The following SHISA7 variants were observed in gnomAD, a reference collection of about 807,000 sequenced individuals.
SHISA7 encodes the protein protein shisa-7.
SHISA7 carries 6 observed loss-of-function variants against 23.9 expected under a neutral mutation model. The observed-to-expected ratio is 0.25, with a 90% CI of 0.14 to 0.50. The LOEUF (loss-of-function observed/expected upper bound fraction) is 0.50, where lower values mean the gene tolerates loss of function less well. Among genes scored for constraint, SHISA7 ranks in the 20% least tolerant of loss-of-function variants. SHISA7 has a pLI of 0.98. For missense variants in SHISA7, 671 were observed against 801.1 expected (o/e 0.84, Z 1.96); for synonymous variants, 386 against 398.3 (o/e 0.97, Z 0.37).
At chr19:55,437,043 G>A (rs1985478839) in intron 3 of SHISA7, among the ~76,000 whole-genome samples, 1 of 152,204 alleles carries the variant, frequency 6.6e-6, no homozygotes, top group African/African-American at 2.4e-5. Context: ...ACAGGAATGG[G>A]TTCAGGGATG....
intron 3 of SHISA7, among the ~76,000 whole-genome samples, chr19:55,434,365 T>G (rs1368193235): frequency 3.2e-5 from 4 of 126,048 alleles, no homozygotes; most frequent in Admixed American, 8.4e-5. Flanking sequence ...ATGTGGTGTG[T>G]GTGTGTGGTG....
intron 3 of SHISA7, among the ~76,000 whole-genome samples, chr19:55,435,062 A>C (rs200990714): frequency 1.1e-4 from 1 of 9,130 alleles, no homozygotes. Flanking sequence ...GTGTGTGTGT[A>C]GTGTGTATGG....
intron 1 of SHISA7, 97 bp downstream of exon 1, chr19:55,442,096 C>T: frequency 1.6e-6 from 2 of 1,234,866 alleles, no homozygotes; most frequent in Non-Finnish European, 2.2e-6. Context: ...CTGACCACCA[C>T]GCCCTATCCC....
At chr19:55,442,153 G>A in intron 1 of SHISA7, 40 bp downstream of exon 1, 4 of 1,486,504 alleles carry the variant, frequency 2.7e-6, no homozygotes, top group Non-Finnish European at 2.7e-6. Context: ...GCTGGGCCCC[G>A]CCCCAGGCTC....
Position 55,432,860 on chromosome 19 carries a change from G to T in SHISA7, c.*296C>A. ...CCTCTTCCTCTGTGATGACCTCATGGGAACGAGGCTTTGTCCCTGTGATGA... is the reference window on the plus strand; with the variant it reads ...CCTCTTCCTCTGTGATGACCTCATGTGAACGAGGCTTTGTCCCTGTGATGA... On this transcript the variant is annotated 3_prime_UTR_variant, in exon 4 of 4. Coordinates refer to ENST00000376325, the MANE Select transcript of SHISA7 (RefSeq NM_001145176.2). This position sits in a 1 kb window ranked among gnomAD's most constrained non-coding sequence, Gnocchi z 4.6. 2.7e-6 allele frequency: 1 copy of T among 370,140 alleles called. No homozygotes were observed. The allele number at this position is 370,140 out of a possible 1,614,324, so 22.9% of individuals were successfully genotyped here. A position where few individuals can be genotyped will look rare whatever the true frequency, so the allele number is the denominator to read the frequency against.
intron 3 of SHISA7, among the ~76,000 whole-genome samples, chr19:55,434,733 G>A (rs1268631400): frequency 3.3e-5 from 4 of 121,364 alleles, no homozygotes; most frequent in Non-Finnish European, 6.9e-5. Flanking sequence ...TGTGGTGTGT[G>A]TGGTGTATAT....
Position 55,442,340 on chromosome 19 carries a change from C to G in SHISA7, c.524G>C (p.Gly175Ala). ...LEGGRTGGAGGRGGEGPGGST... is the reference protein window; with the variant it reads ...LEGGRTGGAGARGGEGPGGST... ...GCCCCCGGGGCCCTCGCCCCCGCGG[C>G]CCCCGGCACCCCCAGTCCGGCCCCC... Residue 175 changes from glycine (G) to alanine (A), a missense_variant, in exon 1 of 4, where the codon GGC becomes GCC. Transcript: ENST00000376325. 4 of 1,467,244 alleles carry G rather than the reference C, an allele frequency of 2.7e-6. No homozygotes were observed. Among genetic ancestry groups the G allele is most frequent in the Non-Finnish European group, 3.6e-6 (4 of 1,115,026 alleles). 90.9% of individuals were successfully genotyped at this position (1,467,244 alleles called of 1,614,324 possible).
At chr19:55,438,627 C>CT in intron 2 of SHISA7, 1 of 1,304,272 alleles carries the variant, frequency 7.7e-7, no homozygotes, top group Non-Finnish European at 1.0e-6. Context: ...TGCAGATTAT[C>CT]TGGGGGGACC....
rs1263817025 is a variant in SHISA7, at chr19:55,442,641, C to A, written c.223G>T (p.Ala75Ser). Residue 75 changes from alanine to serine, a missense_variant, in exon 1 of 4, where the codon GCG becomes TCG. By Grantham distance (99) the Ala-to-Ser change is moderately conservative. Around this residue, in one of 5 missense-constraint regions of SHISA7, gnomAD observed 96 missense variants for 113.1 expected, o/e 0.85. Transcript: ENST00000376325. ...TGGCAGAGCTCGGCGGGAGGGGGCG[C>A]CCGGGCCGCCGCGCCCGCCCCGCCC... ...PAGGAGAAARAPPPAELCHGY... is the reference protein window; with the variant it reads ...PAGGAGAAARSPPPAELCHGY... The A allele has an allele frequency of 5.9e-6, 8 of 1,346,204 alleles. No homozygotes were observed. In the South Asian group the frequency reaches 1.1e-4, roughly 18 times the overall value. 83.4% of individuals were successfully genotyped at this position (1,346,204 alleles called of 1,614,324 possible).
At chr19:55,439,513 A>T (rs911928924) in intron 2 of SHISA7, among the ~76,000 whole-genome samples, 1 of 151,970 alleles carries the variant, frequency 6.6e-6, no homozygotes, top group East Asian at 1.9e-4. Context: ...GCAGCTCTCC[A>T]TCACCCTCAG....
chr19:55,433,688 C>A lies in SHISA7; in HGVS notation c.1085G>T (p.Arg362Leu), dbSNP rs765901370. The A allele has an allele frequency of 2.0e-6, 3 of 1,482,038 alleles. No homozygotes were observed. The South Asian group carries it at 3.8e-5, about 19-fold the overall frequency. The allele number at this position is 1,482,038 out of a possible 1,614,324, so 91.8% of individuals were successfully genotyped here. Residue 362 changes from arginine (R) to leucine (L), a missense_variant, in exon 4 of 4, where the codon CGC (arginine) becomes CTC (leucine). By Grantham distance (102) the Arg-to-Leu change is moderately radical (BLOSUM62 -2). Around this residue, in one of 5 missense-constraint regions of SHISA7, gnomAD observed 457 missense variants for 488.3 expected, o/e 0.94. Transcript: ENST00000376325. This position sits in a 1 kb window ranked among gnomAD's most constrained non-coding sequence, Gnocchi z 8.4. ...CTCTGGGCCGCCCCAGGCCTCCATG[C>A]GATAGCCGCCCCCCGTGCCCGGCCG... Reference protein sequence around the residue: ...LRRPGTGGGYRMEAWGGPEEL... With the variant: ...LRRPGTGGGYLMEAWGGPEEL...
At position 55,433,497 on chromosome 19, in the gene SHISA7, C is replaced by G; in HGVS notation, c.1276G>C (p.Glu426Gln). ...SSPEALRQSR[E>Q]HLLSPPRSPA... ...CTGCGCGGGGGCGACAGCAGGTGCT[C>G]GCGACTCTGGCGCAGGGCCTCGGGC... Residue 426 changes from glutamate to glutamine, a missense_variant, in exon 4 of 4, where the codon GAG becomes CAG. Glu to Gln is a conservative substitution (Grantham distance 29). Coordinates refer to ENST00000376325, the MANE Select transcript of SHISA7 (RefSeq NM_001145176.2). The surrounding 1 kb of genome is among the most constrained non-coding windows in gnomAD (Gnocchi z 8.4). The G allele has an allele frequency of 4.8e-6, 7 of 1,453,494 alleles. No individual in the cohort carries two copies. Among genetic ancestry groups the G allele is most frequent in the Non-Finnish European group, 6.3e-6 (7 of 1,109,838 alleles). The allele number at this position is 1,453,494 out of a possible 1,614,324, so 90.0% of individuals were successfully genotyped here.
rs1260347143 is a variant in SHISA7 at position 55,442,774 on chromosome 19, C to T, written c.90G>A (p.Ala30=). The change falls in exon 1 of 4, where the codon GCG becomes GCA. Residue 30 remains alanine, a synonymous_variant. Coordinates refer to ENST00000376325, the MANE Select transcript of SHISA7 (RefSeq NM_001145176.2). ...GCGCCAGCAGGGCGGGCAGCGGGCC[C>T]GCGGGCTCGGCGCTCGTGGCGTTGG... The part of the protein sequence containing the change: ...RPSNATSAEP[A]GPLPALLAHL... The T allele has an allele frequency of 4.9e-6, 6 of 1,221,362 alleles. No homozygotes were observed. The highest frequency in any genetic ancestry group is 5.1e-6 in the Non-Finnish European group (5 of 980,720). 75.7% of individuals were successfully genotyped at this position (1,221,362 alleles called of 1,614,324 possible). A position where few individuals can be genotyped will look rare whatever the true frequency, so the allele number is the denominator to read the frequency against.
Position 55,442,562 on chromosome 19 carries a change from C to T in SHISA7, c.302G>A (p.Gly101Asp). Reference protein sequence around the residue: ...QYDATFNCSTGSYRFCCGTCH... With the variant: ...QYDATFNCSTDSYRFCCGTCH... ...GGTGCCACAGCAGAAGCGGTAGGAG[C>T]CGGTGCTGCAGTTGAAGGTGGCGTC... The change falls in exon 1 of 4, where the codon GGC (glycine) becomes GAC (aspartate). Residue 101 changes from glycine to aspartate, a missense_variant. By Grantham distance (94) the Gly-to-Asp change is moderately conservative (BLOSUM62 -1). This residue lies in a region of SHISA7 where 48 missense variants were observed against 111.0 expected (regional missense o/e 0.43). Transcript: ENST00000376325. The T allele has an allele frequency of 6.8e-7, 1 of 1,478,992 alleles. No homozygotes were observed. Among genetic ancestry groups the T allele is most frequent in the Non-Finnish European group, 9.0e-7 (1 of 1,110,112 alleles). The allele number at this position is 1,478,992 out of a possible 1,614,324, so 91.6% of individuals were successfully genotyped here. A position where few individuals can be genotyped will look rare whatever the true frequency, so the allele number is the denominator to read the frequency against.
chr19:55,434,007 C>A (rs965251837), intron 3 of SHISA7, among the ~76,000 whole-genome samples: 1 of 151,780 alleles, frequency 6.6e-6, no homozygotes, highest in Admixed American at 6.6e-5. Context: ...TCTTCCCCCC[C>A]GCGCCGCCTA....
At chr19:55,437,538 G>A in intron 3 of SHISA7, 67 bp downstream of exon 3, 1 of 1,523,476 alleles carries the variant, frequency 6.6e-7, no homozygotes, top group South Asian at 1.3e-5. Flanking sequence ...ACTGTCCACG[G>A]TCCTGAACCC....
At chr19:55,440,848 C>T (rs936332095) in intron 1 of SHISA7, 83 bp from the exon 2 acceptor site, 2 of 1,191,282 alleles carry the variant, frequency 1.7e-6, no homozygotes, top group South Asian at 4.3e-5. Flanking sequence ...GCTCCCTGCT[C>T]TCGCCCTTGG....
rs771147976 is a variant in SHISA7 at position 55,433,269 on chromosome 19, C to G, written c.1504G>C (p.Ala502Pro). ...TGGCGCTGGAAGGGCGGCCTGCGGG[C>G]CAGTGTGCCCCCGCCCCCGCCGGCG... ...SDAGGGGGTL[A>P]RRPPFQRQGT... The change falls in exon 4 of 4, where the codon GCC becomes CCC. Residue 502 changes from alanine to proline, a missense_variant. Transcript: ENST00000376325. This position sits in a 1 kb window ranked among gnomAD's most constrained non-coding sequence, Gnocchi z 8.4. The G allele has an allele frequency of 6.6e-7, 1 of 1,515,420 alleles. No individual in the cohort carries two copies. Among genetic ancestry groups the G allele is most frequent in the South Asian group, 1.2e-5 (1 of 82,652 alleles). 93.9% of individuals were successfully genotyped at this position (1,515,420 alleles called of 1,614,324 possible).
At chr19:55,434,957 GT>G (rs1985383446) in intron 3 of SHISA7, among the ~76,000 whole-genome samples, 2 of 108,264 alleles carry the variant, frequency 1.8e-5, no homozygotes, top group African/African-American at 7.3e-5. Context: ...TGTGTGGTGT[GT>G]GGGTGTGTGT....
Sources: gnomAD v4.1 joint callset for allele counts (sites outside exome capture counted in the v4.1 genomes callset) on GRCh38, gnomAD v4.1.1 for gene constraint, gnomAD v4.1.1 regional missense constraint, Gnocchi (gnomAD v3.1) non-coding constraint, MANE v1.5 for transcripts, NCBI Gene and HGNC (gene_info 2026-07-23, HGNC 2026-07-21) for gene names.